PLCL1: variants seen among roughly 807,000 people sequenced by gnomAD.
PLCL1 encodes the protein phospholipase C like 1 (inactive), also known as inactive phospholipase C-like protein 1.
In PLCL1, 41 loss-of-function variants were observed where a neutral mutation model predicts 84.4. That is an observed-to-expected ratio of 0.49 (90% confidence interval 0.38 to 0.63). The LOEUF (loss-of-function observed/expected upper bound fraction) is 0.63, where lower values mean the gene tolerates loss of function less well. PLCL1 is among the 30% of genes least tolerant of loss of function. The pLI is 0.00. For synonymous variants in PLCL1, 490 were observed against 488.3 expected (o/e 1.00, Z -0.05); for missense variants, 1,206 against 1,367.8 (o/e 0.88, Z 1.87).
intron 1 of PLCL1, among the ~76,000 whole-genome samples, chr2:197,983,857 A>T (rs1690167895): frequency 6.6e-6 from 1 of 152,220 alleles, no homozygotes; most frequent in Non-Finnish European, 1.5e-5. Context: ...GCAAAAATAC[A>T]CAAAGGATTA....
intron 1 of PLCL1, among the ~76,000 whole-genome samples, chr2:198,067,816 T>A (rs1280396042): frequency 6.6e-6 from 1 of 152,190 alleles, no homozygotes; most frequent in African/African-American, 2.4e-5. Flanking sequence ...AATTAAAACT[T>A]CTTAGAAAGG....
chr2:198,142,496 G>A (rs901881416), intron 5 of PLCL1, among the ~76,000 whole-genome samples: 3 of 152,060 alleles, frequency 2.0e-5, no homozygotes, highest in African/African-American at 4.8e-5. Flanking sequence ...ATAATTTAAT[G>A]CAGTTGGAAA....
intron 1 of PLCL1, among the ~76,000 whole-genome samples, chr2:197,827,970 T>C (rs1433077376): frequency 6.7e-6 from 1 of 149,734 alleles, no homozygotes; most frequent in African/African-American, 2.5e-5. Context: ...ATGTTTTTTA[T>C]AAGACATGAA....
intron 1 of PLCL1, among the ~76,000 whole-genome samples, chr2:197,807,048 T>C (rs965552510): frequency 6.6e-6 from 1 of 152,208 alleles, no homozygotes; most frequent in South Asian, 2.1e-4. Flanking sequence ...TTCCCCTATT[T>C]AATAGTAAAT....
At chr2:198,110,960 A>G (rs751981236) in intron 5 of PLCL1, among the ~76,000 whole-genome samples, 48 of 151,874 alleles carry the variant, frequency 3.2e-4, no homozygotes, top group Non-Finnish European at 5.5e-4. Context: ...AACAACAACA[A>G]TAATGCATTA....
intron 1 of PLCL1, among the ~76,000 whole-genome samples, chr2:197,928,404 C>CT (rs1364831374): frequency 6.6e-6 from 1 of 152,178 alleles, no homozygotes; most frequent in Non-Finnish European, 1.5e-5. Context: ...AAAATTCTCT[C>CT]TTGACCCCAT....
intron 5 of PLCL1, among the ~76,000 whole-genome samples, chr2:198,139,526 T>C (rs1027106427): frequency 6.6e-6 from 1 of 152,246 alleles, no homozygotes; most frequent in Non-Finnish European, 1.5e-5. Flanking sequence ...CATTCACATA[T>C]GGCAATACAT....
At chr2:198,050,724 T>A (rs1007114541) in intron 1 of PLCL1, among the ~76,000 whole-genome samples, 1 of 152,218 alleles carries the variant, frequency 6.6e-6, no homozygotes, top group African/African-American at 2.4e-5. Context: ...TTATTTGGAA[T>A]TAAAAATTCC....
At chr2:197,992,758 G>A (rs1202197217) in intron 1 of PLCL1, among the ~76,000 whole-genome samples, 1 of 152,042 alleles carries the variant, frequency 6.6e-6, no homozygotes, top group Non-Finnish European at 1.5e-5. Context: ...CTGTTTCTAT[G>A]AATCTGACTA....
At chr2:197,875,540 C>T (rs1372544335) in intron 1 of PLCL1, among the ~76,000 whole-genome samples, 1 of 151,938 alleles carries the variant, frequency 6.6e-6, no homozygotes, top group Admixed American at 6.6e-5. Flanking sequence ...CATTGAGCTT[C>T]CTTTATATTT....
intron 1 of PLCL1, among the ~76,000 whole-genome samples, chr2:197,951,914 T>C (rs1381167176): frequency 6.6e-6 from 1 of 152,128 alleles, no homozygotes. Context: ...ATTTAATTGT[T>C]CACAAGGCCA....
chr2:198,081,391 A>T (rs1692710911), intron 1 of PLCL1, among the ~76,000 whole-genome samples: 1 of 152,212 alleles, frequency 6.6e-6, no homozygotes, highest in African/African-American at 2.4e-5. Flanking sequence ...CTGTCTCAGC[A>T]ATGCCATTAG....
chr2:198,111,070 C>T (rs531342525), intron 5 of PLCL1, among the ~76,000 whole-genome samples: 11 of 151,924 alleles, frequency 7.2e-5, no homozygotes, highest in Admixed American at 5.2e-4. Flanking sequence ...CAGACACTTC[C>T]TAGCTCTGTG....
intron 1 of PLCL1, among the ~76,000 whole-genome samples, chr2:197,866,884 C>T (rs1233787409): frequency 6.6e-6 from 1 of 152,174 alleles, no homozygotes; most frequent in African/African-American, 2.4e-5. Flanking sequence ...CTTCTATGCA[C>T]TACCTGGATT....
At chr2:197,962,902 GA>G (rs1461844145) in intron 1 of PLCL1, among the ~76,000 whole-genome samples, 3 of 151,956 alleles carry the variant, frequency 2.0e-5, no homozygotes, top group Admixed American at 6.6e-5. Context: ...CAAGTGGAAG[GA>G]TATCATTCTT....
intron 1 of PLCL1, among the ~76,000 whole-genome samples, chr2:198,023,761 G>A (rs562400196): frequency 6.6e-6 from 1 of 152,290 alleles, no homozygotes; most frequent in East Asian, 1.9e-4. Context: ...ATGCAGGAGA[G>A]GCTGTGGAGA....
In PLCL1 at chr2:197,907,437, C is replaced by CATATG. The variant is rs530636505; in HGVS notation, c.240+102102_240+102103insGATAT. ...TATTTTTAGTGGAGACGGGGTTTCA[C>CATATG]ATATTGGCCAGGCTGGTCTTGAACT... On this transcript the variant is annotated intron_variant, in intron 1 of 5. Coordinates refer to ENST00000428675, the MANE Select transcript of PLCL1 (RefSeq NM_006226.4). Among the ~76,000 whole-genome samples, 1,066 of 152,168 alleles carry CATATG rather than the reference C, an allele frequency of 7.0e-3. 5 individuals carry two copies. The highest frequency in any genetic ancestry group is 0.019 in the South Asian group (92 of 4,824).
At chr2:197,919,984 C>G (rs1477680619) in intron 1 of PLCL1, among the ~76,000 whole-genome samples, 1 of 152,068 alleles carries the variant, frequency 6.6e-6, no homozygotes, top group African/African-American at 2.4e-5. Context: ...GCTTTGATTT[C>G]CTTATCTGGA....
intron 1 of PLCL1, among the ~76,000 whole-genome samples, chr2:198,074,522 T>C (rs570740480): frequency 4.1e-4 from 63 of 152,256 alleles, no homozygotes; most frequent in Non-Finnish European, 7.9e-4. Flanking sequence ...TGGGGGTAAA[T>C]ATTACCATTA....
Sources: gnomAD v4.1 joint callset for allele counts (sites outside exome capture counted in the v4.1 genomes callset) on GRCh38, gnomAD v4.1.1 for gene constraint, MANE v1.5 for transcripts, NCBI Gene and HGNC (gene_info 2026-07-23, HGNC 2026-07-21) for gene names.